Variants in STK3 observed in about 807,000 individuals in gnomAD.
STK3 encodes serine/threonine-protein kinase 3.
Under a neutral mutation model 58.0 loss-of-function variants are expected in STK3, and 41 were observed. The ratio of observed to expected loss-of-function variants is 0.71; its 90% CI spans 0.55 to 0.92. The LOEUF is 0.92. Ranked by LOEUF, STK3 falls within the 40% of genes least tolerant of loss-of-function variation. The probability of loss-of-function intolerance (pLI) is 0.00; values close to 1 mark genes in which losing one functional copy is unlikely to be tolerated. For synonymous variants in STK3, 170 were observed against 191.0 expected (o/e 0.89, Z 0.91); for missense variants, 479 against 602.7 (o/e 0.79, Z 2.15).
chr8:98,365,374 G>C, the STK3 span, among the ~76,000 whole-genome samples: 3 of 152,292 alleles, frequency 2.0e-5, no homozygotes, highest in Non-Finnish European at 4.4e-5. Context: ...GCAAGAAGTT[G>C]TTCCCATGAT....
At chr8:98,766,165 C>T (rs1043098539) in intron 3 of STK3, among the ~76,000 whole-genome samples, 1 of 152,160 alleles carries the variant, frequency 6.6e-6, no homozygotes, top group African/African-American at 2.4e-5. Flanking sequence ...CACATTACCC[C>T]ATGCACCAGT....
chr8:98,581,978 T>C (rs1260366301), intron 7 of STK3, among the ~76,000 whole-genome samples: 1 of 152,208 alleles, frequency 6.6e-6, no homozygotes, highest in Non-Finnish European at 1.5e-5. Context: ...TTGTTTTATC[T>C]GAAGTGTTTT....
downstream of STK3, among the ~76,000 whole-genome samples, chr8:98,450,877 C>T (rs1819167600): frequency 1.3e-5 from 2 of 152,152 alleles, no homozygotes; most frequent in African/African-American, 2.4e-5. Flanking sequence ...GCAACCCTAA[C>T]ATTCTAAAGC....
intron 2 of STK3, among the ~76,000 whole-genome samples, chr8:98,372,258 T>C (rs991778856): frequency 6.6e-6 from 1 of 152,234 alleles, no homozygotes; most frequent in African/African-American, 2.4e-5. Flanking sequence ...AGAATCCATT[T>C]CTGTTGCTTT....
chr8:98,579,702 C>T lies in STK3; in HGVS notation c.910G>A (p.Glu304Lys), dbSNP rs780530727. The T allele has an allele frequency of 1.9e-6, 3 of 1,610,338 alleles. No individual in the cohort carries two copies. In the South Asian group the frequency reaches 3.3e-5, roughly 18 times the overall value. Residue 304 changes from glutamate (E) to lysine (K), a missense_variant, in exon 8 of 11, where the codon GAA (glutamate) becomes AAA (lysine). Glu to Lys is a moderately conservative substitution (Grantham distance 56, BLOSUM62 1). Transcript: ENST00000419617. The part of the protein sequence containing the change: ...AMEIKAKRHE[E>K]QQRELEEEEE... ...TCCTCTTCCAATTCTCGTTGCTGTTCCTCATGTCTTTTAGCTTTGATCTCC... is the reference window on the plus strand; with the variant it reads ...TCCTCTTCCAATTCTCGTTGCTGTTTCTCATGTCTTTTAGCTTTGATCTCC...
chr8:98,753,418 T>C (rs1487164168), intron 3 of STK3, among the ~76,000 whole-genome samples: 1 of 152,048 alleles, frequency 6.6e-6, no homozygotes, highest in East Asian at 1.9e-4. Flanking sequence ...GGGAGCTAAA[T>C]GATGAGGACA....
chr8:98,780,594 A>T (rs1347381102), intron 1 of STK3, among the ~76,000 whole-genome samples: 1 of 152,090 alleles, frequency 6.6e-6, no homozygotes, highest in Non-Finnish European at 1.5e-5. Flanking sequence ...CATATAAAAA[A>T]TGTCATTATT....
At chr8:98,589,411 G>A (rs978117004) in intron 7 of STK3, among the ~76,000 whole-genome samples, 5 of 152,236 alleles carry the variant, frequency 3.3e-5, no homozygotes, top group African/African-American at 1.2e-4. Flanking sequence ...AGGCTGCCCG[G>A]GGGTCAGGGG....
chr8:98,713,730 C>G (rs1340854120), intron 4 of STK3, among the ~76,000 whole-genome samples: 1 of 152,138 alleles, frequency 6.6e-6, no homozygotes, highest in Non-Finnish European at 1.5e-5. Flanking sequence ...CCTTCTGAAA[C>G]TATTCCAATC....
intron 1 of STK3, among the ~76,000 whole-genome samples, chr8:98,384,857 G>T (rs1054717041): frequency 2.0e-5 from 3 of 152,184 alleles, no homozygotes; most frequent in Middle Eastern, 6.8e-3. Flanking sequence ...CCAAACCCTA[G>T]CCAATATCTC....
At chr8:98,660,957 A>G (rs534082713) in intron 6 of STK3, among the ~76,000 whole-genome samples, 1 of 152,222 alleles carries the variant, frequency 6.6e-6, no homozygotes, top group South Asian at 2.1e-4. Flanking sequence ...CCCTGCAAAA[A>G]ACAAAAAGGA....
intron 7 of STK3, among the ~76,000 whole-genome samples, chr8:98,585,954 G>A (rs896735296): frequency 6.6e-5 from 10 of 152,116 alleles, no homozygotes; most frequent in Admixed American, 3.9e-4. Flanking sequence ...TTTGTATCCT[G>A]AAACTTTGCT....
chr8:98,864,605 A>T (rs1368576403), intron 3 of STK3, among the ~76,000 whole-genome samples: 1 of 152,100 alleles, frequency 6.6e-6, no homozygotes. Flanking sequence ...TTCTTGGTTG[A>T]TTCCCCTGTG....
intron 3 of STK3, among the ~76,000 whole-genome samples, chr8:98,424,411 G>C (rs1337317273): frequency 6.6e-6 from 1 of 152,204 alleles, no homozygotes; most frequent in Non-Finnish European, 1.5e-5. Context: ...AAGGGGACAA[G>C]GGGGAGGGAG....
At chr8:98,566,765 T>C (rs1812514144) in intron 8 of STK3, among the ~76,000 whole-genome samples, 3 of 152,118 alleles carry the variant, frequency 2.0e-5, no homozygotes, top group Non-Finnish European at 4.4e-5. Flanking sequence ...GAAGCAAAAG[T>C]TGGCAATACA....
chr8:98,711,447 A>G (rs550398648), intron 4 of STK3, among the ~76,000 whole-genome samples: 109 of 152,350 alleles, frequency 7.2e-4, no homozygotes, highest in South Asian at 2.9e-3. Flanking sequence ...AAAGGACCTG[A>G]TGGAGCTGAA....
rs1215892053 is a variant in STK3, at chr8:98,387,872, CCTT to C, written n.56+317_56+319del. On this transcript the variant is annotated intron_variant and non_coding_transcript_variant, in intron 1 of 2. Transcript: ENST00000518704. ...GAAACCAGAGCTCTTTGTAAAATGC[CCTT>C]TTTTTTTTTTTTTTGTCAGATACGG... Among the ~76,000 whole-genome samples, 252 of 144,728 alleles carry C rather than the reference CCTT, an allele frequency of 1.7e-3. 4 individuals carry two copies. The highest frequency in any genetic ancestry group is 6.6e-3 in the African/African-American group (237 of 35,746). 94.9% of individuals were successfully genotyped at this position (144,728 alleles called of 152,430 possible).
intron 6 of STK3, among the ~76,000 whole-genome samples, chr8:98,621,311 T>C (rs993983105): frequency 2.6e-5 from 4 of 152,180 alleles, no homozygotes; most frequent in African/African-American, 7.2e-5. Flanking sequence ...AGTTTATTCA[T>C]TGGTATTTTC....
chr8:98,585,047 C>A (rs939419825), intron 7 of STK3, among the ~76,000 whole-genome samples: 2 of 149,926 alleles, frequency 1.3e-5, no homozygotes, highest in African/African-American at 4.9e-5. Flanking sequence ...CTGTAGGTTG[C>A]CTGTTCACTC....
Sources: gnomAD v4.1 joint callset for allele counts (sites outside exome capture counted in the v4.1 genomes callset) on GRCh38, gnomAD v4.1.1 for gene constraint, MANE v1.5 for transcripts, NCBI Gene and HGNC (gene_info 2026-07-23, HGNC 2026-07-21) for gene names.